Variants in HEPH observed in about 807,000 individuals in gnomAD.
HEPH encodes hephaestin.
In HEPH, 69 loss-of-function variants were observed where a neutral mutation model predicts 80.8. That is an observed-to-expected ratio of 0.85 (90% CI 0.70 to 1.04). The LOEUF is 1.04. Ranked by LOEUF, HEPH falls within the 50% of genes least tolerant of loss-of-function variation. The pLI is 0.00. For synonymous variants in HEPH, 431 were observed against 322.8 expected, an observed-to-expected ratio of 1.34 and a Z score of -3.60; for missense variants, 1,115 against 891.3, an observed-to-expected ratio of 1.25 and a Z score of -3.20.
At chrX:66,191,527 AC>A (rs1382522484) in intron 6 of HEPH, among the ~76,000 whole-genome samples, 4 of 112,109 alleles carry the variant, frequency 3.6e-5, no homozygotes, top group Admixed American at 9.4e-5. Context: ...ATAAGACAGT[AC>A]CATCCATTGC....
In HEPH at chrX:66,197,763, A is replaced by G. The variant is rs2147766243; in HGVS notation, c.1582A>G (p.Thr528Ala). The G allele has an allele frequency of 8.3e-7, 1 of 1,211,494 alleles. No individual in the cohort carries two copies. Among genetic ancestry groups the G allele is most frequent in the Admixed American group, 2.2e-5 (1 of 46,064 alleles). ...GACAGTCCCCCCTCATGCCGGTCCC[A>G]CTGCTCAGGATCCTGCTTGTCTCAC... ...RWTVPPHAGPTAQDPACLTWM... is the reference protein window; with the variant it reads ...RWTVPPHAGPAAQDPACLTWM... Residue 528 changes from threonine (T) to alanine (A), a missense_variant, in exon 10 of 21, where the codon ACT becomes GCT. Transcript: ENST00000343002.
rs1222831145 is a variant in HEPH, at chrX:66,238,015, A to G, written c.2564-17020A>G. Among the ~76,000 whole-genome samples the G allele has an allele frequency of 2.7e-5, 3 of 111,552 alleles. No individual in the cohort carries two copies. In the East Asian group the frequency reaches 8.4e-4, roughly 31 times the overall value. On this transcript the variant is annotated intron_variant, in intron 15 of 20. Coordinates refer to ENST00000343002, the MANE Select transcript of HEPH (RefSeq NM_001367233.3). Reference sequence around the variant, plus strand: ...ATTTTAAGCCTGTAGGTGTCACTGCATGTGAGATAGGTTTCTTGAGGACAG... The same window carrying G: ...ATTTTAAGCCTGTAGGTGTCACTGCGTGTGAGATAGGTTTCTTGAGGACAG...
At chrX:66,209,893 T>C (rs952261893) in intron 15 of HEPH, among the ~76,000 whole-genome samples, 16 of 110,918 alleles carry the variant, frequency 1.4e-4, no homozygotes, top group Admixed American at 5.8e-4. Flanking sequence ...TGTAAGTTGA[T>C]CAAATATAGG....
intron 1 of HEPH, among the ~76,000 whole-genome samples, chrX:66,167,756 G>A (rs1484687977): frequency 8.9e-6 from 1 of 112,014 alleles, no homozygotes; most frequent in Non-Finnish European, 1.9e-5. Context: ...TTATGGTTCT[G>A]CACTTAGATT....
intron 15 of HEPH, among the ~76,000 whole-genome samples, chrX:66,209,592 G>A (rs2089001357): frequency 8.9e-6 from 1 of 112,350 alleles, no homozygotes; most frequent in African/African-American, 3.2e-5. Context: ...ATTGAAGTTG[G>A]TGTAAAGGAA....
chrX:66,212,075 G>T (rs764594456), intron 15 of HEPH, among the ~76,000 whole-genome samples: 2 of 109,394 alleles, frequency 1.8e-5, no homozygotes, highest in Non-Finnish European at 3.8e-5. Flanking sequence ...GTTTTAATGT[G>T]CATTTCCCTG....
At chrX:66,234,750 C>A (rs1366417988) in intron 15 of HEPH, among the ~76,000 whole-genome samples, 1 of 111,029 alleles carries the variant, frequency 9.0e-6, no homozygotes. Flanking sequence ...AATTCTCATG[C>A]CTCAGCCTTG....
At chrX:66,256,692 T>C (rs2091194236) in intron 17 of HEPH, among the ~76,000 whole-genome samples, 2 of 112,089 alleles carry the variant, frequency 1.8e-5, no homozygotes, top group Admixed American at 1.9e-4. Flanking sequence ...CTGAGTTTAG[T>C]CTGCCAATAT....
intron 4 of HEPH, among the ~76,000 whole-genome samples, chrX:66,179,044 G>A (rs2086961982): frequency 8.9e-6 from 1 of 111,739 alleles, no homozygotes; most frequent in Admixed American, 9.5e-5. Flanking sequence ...AAATGGTATT[G>A]CCTAGGTTTT....
intron 4 of HEPH, among the ~76,000 whole-genome samples, chrX:66,176,768 G>A (rs927955189): frequency 2.3e-4 from 26 of 110,957 alleles, no homozygotes; most frequent in Non-Finnish European, 4.7e-4. Flanking sequence ...TTTTGTCCTT[G>A]TGATAGTTTG....
chrX:66,179,415 A>T (rs1166471850), intron 4 of HEPH, among the ~76,000 whole-genome samples: 1 of 111,515 alleles, frequency 9.0e-6, no homozygotes, highest in African/African-American at 3.3e-5. Flanking sequence ...CTTAGGATTG[A>T]CTTGGCAATG....
At chrX:66,226,642 A>T (rs2089902283) in intron 15 of HEPH, among the ~76,000 whole-genome samples, 1 of 111,912 alleles carries the variant, frequency 8.9e-6, no homozygotes, top group Non-Finnish European at 1.9e-5. Context: ...TCAAAAGATC[A>T]CTCAAGGCTA....
At chrX:66,256,723 C>T (rs1305084534) in intron 17 of HEPH, among the ~76,000 whole-genome samples, 1 of 112,106 alleles carries the variant, frequency 8.9e-6, no homozygotes, top group Non-Finnish European at 1.9e-5. Flanking sequence ...ATTTACCACT[C>T]TAAATTTGGG....
intron 15 of HEPH, among the ~76,000 whole-genome samples, chrX:66,246,252 G>A (rs2090801074): frequency 8.9e-6 from 1 of 112,087 alleles, no homozygotes; most frequent in African/African-American, 3.2e-5. Context: ...AGAAAATCTA[G>A]CAGGCATTAC....
In HEPH at chrX:66,191,394, T is replaced by A. The variant is rs754662554; in HGVS notation, c.1064-736T>A. On this transcript the variant is annotated intron_variant, in intron 6 of 20. Coordinates refer to ENST00000343002, the MANE Select transcript of HEPH (RefSeq NM_001367233.3). The stretch of plus-strand genomic sequence containing the variant: ...TAATACATGTTGAAGAAAATAAATA[T>A]TTTTTCCTCTCCCTTCATCATACCT... Among the ~76,000 whole-genome samples, 10 of 111,912 alleles carry A rather than the reference T, an allele frequency of 8.9e-5. No individual in the cohort carries two copies. In the East Asian group the frequency reaches 2.5e-3, roughly 28 times the overall value.
chrX:66,205,106 T>C (rs775729485), intron 13 of HEPH, among the ~76,000 whole-genome samples: 1 of 111,886 alleles, frequency 8.9e-6, no homozygotes, highest in Non-Finnish European at 1.9e-5. Context: ...CAGTGTCTCT[T>C]GTTAAATCTT....
In HEPH at chrX:66,213,491, G is replaced by A. The variant is rs1466868176; in HGVS notation, c.2563+5245G>A. ...TATGCAGCCATAAAAAATGATGAGT[G>A]TTTGTAGTTTCTATTGTAAAGCTCT... On this transcript the variant is annotated intron_variant, in intron 15 of 20. Coordinates refer to ENST00000343002, the MANE Select transcript of HEPH (RefSeq NM_001367233.3). 3.6e-5 allele frequency among the ~76,000 whole-genome samples: 4 copies of A among 111,623 alleles called. No homozygotes were observed. The Admixed American group carries it at 3.8e-4, about 11-fold the overall frequency.
Position 66,266,941 on chromosome X carries a change from A to G in HEPH, c.*269A>G. Reference sequence around the variant, plus strand: ...CATCGCAAATTTCAACAGCTACATTATATTTCCTTCTGACACTTGGAAGGT... The same window carrying G: ...CATCGCAAATTTCAACAGCTACATTGTATTTCCTTCTGACACTTGGAAGGT... On this transcript the variant is annotated 3_prime_UTR_variant, in exon 21 of 21. Transcript: ENST00000343002. 1 of 298,005 alleles carries G rather than the reference A, an allele frequency of 3.4e-6. No homozygotes were observed. The highest frequency in any genetic ancestry group is 5.4e-5 in the East Asian group (1 of 18,504). The allele number at this position is 298,005 out of a possible 1,213,427, so 24.6% of individuals were successfully genotyped here. A position where few individuals can be genotyped will look rare whatever the true frequency, so the allele number is the denominator to read the frequency against.
intron 15 of HEPH, among the ~76,000 whole-genome samples, chrX:66,234,579 G>GT (rs370098918): frequency 0.026 from 2,691 of 103,081 alleles, 78 homozygotes; most frequent in African/African-American, 0.075. Context: ...CCACCATCTG[G>GT]TTTTTTTTTT....
Sources: gnomAD v4.1 joint callset for allele counts (sites outside exome capture counted in the v4.1 genomes callset) on GRCh38, gnomAD v4.1.1 for gene constraint, MANE v1.5 for transcripts, NCBI Gene and HGNC (gene_info 2026-07-23, HGNC 2026-07-21) for gene names.